Variants in INPP4B observed in about 807,000 individuals in gnomAD.
The protein encoded by INPP4B is inositol polyphosphate-4-phosphatase type II B.
In INPP4B, 55 loss-of-function variants were observed where a neutral mutation model predicts 122.5. The ratio of observed to expected loss-of-function variants is 0.45; its 90% CI spans 0.36 to 0.56. The LOEUF (loss-of-function observed/expected upper bound fraction) is 0.56. Ranked by LOEUF, INPP4B falls within the 20% of genes least tolerant of loss-of-function variation. The probability of loss-of-function intolerance (pLI) is 0.00; values close to 1 mark genes in which losing one functional copy is unlikely to be tolerated. For synonymous variants in INPP4B, 403 were observed against 388.7 expected, an observed-to-expected ratio of 1.04 and a Z score of -0.43; for missense variants, 1,000 against 1,097.7, an observed-to-expected ratio of 0.91 and a Z score of 1.26.
At chr4:142,119,099 C>T (rs1213647445) in intron 21 of INPP4B, among the ~76,000 whole-genome samples, 2 of 152,122 alleles carry the variant, frequency 1.3e-5, no homozygotes, top group South Asian at 2.1e-4. Context: ...AAATGAGATA[C>T]CATCTCAAGC....
At position 142,035,315 on chromosome 4, in the gene INPP4B, G is replaced by A. The variant is rs886824772; in HGVS notation, c.2643-6401C>T. Among the ~76,000 whole-genome samples the A allele has an allele frequency of 1.1e-4, 17 of 152,226 alleles. 1 individual carries two copies. Among genetic ancestry groups the A allele is most frequent in the Admixed American group, 7.8e-4 (12 of 15,292 alleles). Reference sequence around the variant, plus strand: ...TTAGGATGAATGAGATCGTCCCAACGTAGGTGCACAAAAAGAGCTGGCTTG... The same window carrying A: ...TTAGGATGAATGAGATCGTCCCAACATAGGTGCACAAAAAGAGCTGGCTTG... On this transcript the variant is annotated intron_variant, in intron 25 of 25. Transcript: ENST00000262992.
At chr4:142,109,929 T>A (rs77872070) in intron 22 of INPP4B, among the ~76,000 whole-genome samples, 2,189 of 152,156 alleles carry the variant, frequency 0.014, 64 homozygotes, top group African/African-American at 0.051. Context: ...CTATACTGAG[T>A]TGAACTTGGA....
intron 2 of INPP4B, among the ~76,000 whole-genome samples, chr4:142,645,837 T>G (rs913150341): frequency 3.3e-5 from 5 of 152,194 alleles, no homozygotes; most frequent in Non-Finnish European, 7.3e-5. Flanking sequence ...AAGCATTGAC[T>G]CATCTTGAGA....
At chr4:142,100,719 A>G (rs895630797) in intron 23 of INPP4B, among the ~76,000 whole-genome samples, 44 of 152,132 alleles carry the variant, frequency 2.9e-4, no homozygotes, top group African/African-American at 1.0e-3. Flanking sequence ...GTTTACAGAC[A>G]GTGAAAATGA....
chr4:142,126,989 C>T (rs1409028698), intron 18 of INPP4B, among the ~76,000 whole-genome samples: 1 of 152,144 alleles, frequency 6.6e-6, no homozygotes, highest in Non-Finnish European at 1.5e-5. Flanking sequence ...CGATAACAGA[C>T]TGAAAACTGC....
intron 2 of INPP4B, among the ~76,000 whole-genome samples, chr4:142,567,024 C>T (rs1178473714): frequency 1.3e-5 from 2 of 152,124 alleles, no homozygotes; most frequent in Non-Finnish European, 2.9e-5. Context: ...CCCTCAAACG[C>T]TATCCTTTTA....
At chr4:142,776,092 C>G (rs751150430) in intron 1 of INPP4B, among the ~76,000 whole-genome samples, 1 of 152,006 alleles carries the variant, frequency 6.6e-6, no homozygotes, top group Non-Finnish European at 1.5e-5. Flanking sequence ...TATTTCTCTA[C>G]CCCAACGATG....
intron 25 of INPP4B, among the ~76,000 whole-genome samples, chr4:142,074,470 T>C (rs545012772): frequency 2.0e-5 from 3 of 152,236 alleles, no homozygotes; most frequent in African/African-American, 7.2e-5. Flanking sequence ...TAAATTAGTA[T>C]AGCTATTTGG....
rs1371067001 is a variant in INPP4B at position 142,100,829 on chromosome 4, A to C, written c.2374+7264T>G. Among the ~76,000 whole-genome samples the C allele has an allele frequency of 2.6e-5, 4 of 152,092 alleles. No individual in the cohort carries two copies. The East Asian group carries it at 7.7e-4, about 29-fold the overall frequency. The stretch of plus-strand genomic sequence containing the variant: ...CTGTTGAAGCTTAGTTGAGAGAAAA[A>C]ATGGCCACCTCTGAAGTCACTGTTC... On this transcript the variant is annotated intron_variant, in intron 23 of 25. Coordinates refer to ENST00000262992, the MANE Select transcript of INPP4B (RefSeq NM_001101669.3).
At chr4:142,030,372 C>T in intron 25 of INPP4B, 2 of 1,336,738 alleles carry the variant, frequency 1.5e-6, no homozygotes, top group East Asian at 5.1e-5. Flanking sequence ...AAAAATTCAG[C>T]CTTAAATATT....
At chr4:142,073,419 T>G (rs1768702765) in intron 25 of INPP4B, among the ~76,000 whole-genome samples, 1 of 152,114 alleles carries the variant, frequency 6.6e-6, no homozygotes, top group Non-Finnish European at 1.5e-5. Flanking sequence ...AGTTCAGTTT[T>G]CTTTAGAAAT....
Position 142,255,413 on chromosome 4 carries a change from T to C in INPP4B, c.688+5079A>G, listed in dbSNP as rs189947596. Reference sequence around the variant, plus strand: ...CAGTTAAAAGACACACACTGGCAAATTGGATAAAGAGTCAAGACCCATCAG... The same window carrying C: ...CAGTTAAAAGACACACACTGGCAAACTGGATAAAGAGTCAAGACCCATCAG... On this transcript the variant is annotated intron_variant, in intron 11 of 25. Transcript: ENST00000262992. 4.4e-3 allele frequency among the ~76,000 whole-genome samples: 676 copies of C among 152,126 alleles called. 4 individuals carry two copies. Among genetic ancestry groups the C allele is most frequent in the Non-Finnish European group, 5.6e-3 (383 of 68,016 alleles).
chr4:142,116,225 A>G, intron 21 of INPP4B, among the ~76,000 whole-genome samples: 1 of 152,110 alleles, frequency 6.6e-6, no homozygotes, highest in East Asian at 1.9e-4. Context: ...AGACTTTAAC[A>G]CCTCACTCTC....
intron 13 of INPP4B, 128 bp from the exon 14 acceptor site, chr4:142,208,657 T>G: frequency 1.9e-6 from 1 of 536,736 alleles, no homozygotes. Context: ...TATTTATGAG[T>G]TGCTTTTCTT....
chr4:142,458,505 T>C (rs1815992594), intron 3 of INPP4B, among the ~76,000 whole-genome samples: 1 of 151,986 alleles, frequency 6.6e-6, no homozygotes, highest in Non-Finnish European at 1.5e-5. Flanking sequence ...ATTTTAATTA[T>C]ATTTATTATT....
intron 1 of INPP4B, among the ~76,000 whole-genome samples, chr4:142,809,364 G>A (rs1779227488): frequency 6.6e-6 from 1 of 152,058 alleles, no homozygotes; most frequent in Non-Finnish European, 1.5e-5. Flanking sequence ...TATTTCTTAA[G>A]ACCTAGTAAT....
chr4:142,280,705 T>C (rs1750797235), intron 9 of INPP4B, among the ~76,000 whole-genome samples: 1 of 151,906 alleles, frequency 6.6e-6, no homozygotes, highest in African/African-American at 2.4e-5. Context: ...GACACATCCA[T>C]TTTCTCCGAT....
intron 2 of INPP4B, among the ~76,000 whole-genome samples, chr4:142,642,441 T>C (rs1750718854): frequency 6.6e-6 from 1 of 152,178 alleles, no homozygotes; most frequent in African/African-American, 2.4e-5. Context: ...AATTAATTTT[T>C]GTATAAGGTA....
chr4:142,695,183 G>A (rs892371672), intron 2 of INPP4B, among the ~76,000 whole-genome samples: 10 of 151,900 alleles, frequency 6.6e-5, no homozygotes, highest in African/African-American at 2.2e-4. Flanking sequence ...TTCCCTTATG[G>A]AGACATCAAG....
Sources: gnomAD v4.1 joint callset for allele counts (sites outside exome capture counted in the v4.1 genomes callset) on GRCh38, gnomAD v4.1.1 for gene constraint, MANE v1.5 for transcripts, NCBI Gene and HGNC (gene_info 2026-07-23, HGNC 2026-07-21) for gene names.